PDE4D: variants seen among roughly 807,000 people sequenced by gnomAD.
PDE4D encodes phosphodiesterase 4D.
Under a neutral mutation model 87.4 loss-of-function variants are expected in PDE4D, and 24 were observed. That is an observed-to-expected ratio of 0.27 (90% confidence interval 0.20 to 0.39). The LOEUF is 0.39. PDE4D is among the 10% of genes least tolerant of loss of function. PDE4D has a pLI of 1.00. For synonymous variants in PDE4D, 384 were observed against 383.2 expected, an observed-to-expected ratio of 1.00 and a Z score of -0.02; for missense variants, 714 against 1,041.0, an observed-to-expected ratio of 0.69 and a Z score of 4.32.
chr5:58,975,900 A>AC lies in PDE4D; in HGVS notation c.1831-62_1831-61insG. 8.5e-7 allele frequency: 1 copy of AC among 1,170,562 alleles called. No homozygotes were observed. The highest frequency in any genetic ancestry group is 1.2e-6 in the Non-Finnish European group (1 of 863,000). 72.5% of individuals were successfully genotyped at this position (1,170,562 alleles called of 1,614,324 possible). ...TTCCTTTTTTTTAAAAAAAAAAACA[A>AC]AAAAAACTAGAAATTCACATTGGAT... On this transcript the variant is annotated intron_variant, in intron 13 of 14. Transcript: ENST00000340635. The surrounding 1 kb of genome is among the most constrained non-coding windows in gnomAD (Gnocchi z 4.2).
intron 1 of PDE4D, among the ~76,000 whole-genome samples, chr5:59,667,933 T>A (rs1400961545): frequency 6.6e-6 from 1 of 152,226 alleles, no homozygotes; most frequent in Non-Finnish European, 1.5e-5. Flanking sequence ...TTTCTCCAAG[T>A]TGTACCATAC....
chr5:60,009,469 C>T (rs1764804645), intron 2 of PDE4D, among the ~76,000 whole-genome samples: 1 of 151,866 alleles, frequency 6.6e-6, no homozygotes, highest in African/African-American at 2.4e-5. Flanking sequence ...AACATTCCTG[C>T]CTTCATAGAA....
At chr5:60,081,772 C>T (rs1354432955) in intron 2 of PDE4D, among the ~76,000 whole-genome samples, 2 of 151,688 alleles carry the variant, frequency 1.3e-5, no homozygotes, top group Non-Finnish European at 3.0e-5. Context: ...TATTGGTCCT[C>T]AATCTCTTCT....
intron 1 of PDE4D, among the ~76,000 whole-genome samples, chr5:59,755,701 A>G (rs1195716638): frequency 6.6e-6 from 1 of 152,156 alleles, no homozygotes; most frequent in Non-Finnish European, 1.5e-5. Context: ...ATCACACTGC[A>G]CAAAATAAAG....
At chr5:60,275,047 T>C (rs1478979784) in intron 1 of PDE4D, among the ~76,000 whole-genome samples, 1 of 152,218 alleles carries the variant, frequency 6.6e-6, no homozygotes, top group Non-Finnish European at 1.5e-5. Flanking sequence ...CAGAGATTGC[T>C]AGATCAGGGA....
intron 1 of PDE4D, among the ~76,000 whole-genome samples, chr5:59,432,243 C>T (rs567437456): frequency 1.5e-4 from 22 of 148,946 alleles, no homozygotes; most frequent in African/African-American, 5.6e-4. Flanking sequence ...ATAAAGTGGG[C>T]TCATACTATG....
chr5:59,869,373 G>A (rs1561791825), intron 1 of PDE4D, among the ~76,000 whole-genome samples: 1 of 152,168 alleles, frequency 6.6e-6, no homozygotes, highest in South Asian at 2.1e-4. Flanking sequence ...TCCAAGGCAG[G>A]AGTGAGTATG....
chr5:60,302,307 T>C (rs1237782590), intron 1 of PDE4D, among the ~76,000 whole-genome samples: 2 of 152,180 alleles, frequency 1.3e-5, no homozygotes, highest in Non-Finnish European at 2.9e-5. Flanking sequence ...CAGGGCTTTT[T>C]TTGGTTAGTA....
intron 2 of PDE4D, among the ~76,000 whole-genome samples, chr5:59,997,495 C>T (rs946683168): frequency 7.9e-5 from 12 of 152,110 alleles, no homozygotes; most frequent in Admixed American, 2.0e-4. Context: ...CTAAAACCAT[C>T]ATTTAAGTGA....
At chr5:60,261,060 A>C (rs2149703554) in intron 1 of PDE4D, among the ~76,000 whole-genome samples, 1 of 152,192 alleles carries the variant, frequency 6.6e-6, no homozygotes, top group Middle Eastern at 3.4e-3. Context: ...ACCCTATGGG[A>C]AGACATAAAA....
chr5:60,387,748 T>C (rs1251725944), intron 1 of PDE4D, among the ~76,000 whole-genome samples: 3 of 152,298 alleles, frequency 2.0e-5, no homozygotes, highest in African/African-American at 7.2e-5. Flanking sequence ...GAAGAAGCCT[T>C]CTGTTACCCG....
At chr5:60,178,000 G>A (rs1042094395) in intron 2 of PDE4D, among the ~76,000 whole-genome samples, 8 of 152,220 alleles carry the variant, frequency 5.3e-5, no homozygotes, top group South Asian at 2.1e-4. Flanking sequence ...AAATATAATA[G>A]TGAGAAGTTA....
chr5:59,199,563 A>G (rs1176159729), intron 2 of PDE4D, among the ~76,000 whole-genome samples: 1 of 152,140 alleles, frequency 6.6e-6, no homozygotes, highest in Non-Finnish European at 1.5e-5. Flanking sequence ...TAATTTTGAA[A>G]TCTTAGTATC....
chr5:60,500,124 A>G (rs1750001096), intron 1 of PDE4D, among the ~76,000 whole-genome samples: 1 of 151,784 alleles, frequency 6.6e-6, no homozygotes, highest in Admixed American at 6.6e-5. Flanking sequence ...TAGGCAACAT[A>G]GTGAGACACC....
intron 1 of PDE4D, among the ~76,000 whole-genome samples, chr5:59,723,795 G>A (rs984045207): frequency 6.6e-6 from 1 of 152,130 alleles, no homozygotes; most frequent in Non-Finnish European, 1.5e-5. Context: ...TGACATGACA[G>A]CTGGGTTTGA....
intron 1 of PDE4D, among the ~76,000 whole-genome samples, chr5:60,283,171 T>A (rs1427314791): frequency 6.6e-6 from 1 of 152,156 alleles, no homozygotes; most frequent in African/African-American, 2.4e-5. Context: ...ATTATCTCCA[T>A]CTTATACCCT....
At chr5:58,982,716 T>G (rs1424137356) in intron 11 of PDE4D, among the ~76,000 whole-genome samples, 4 of 152,182 alleles carry the variant, frequency 2.6e-5, no homozygotes, top group African/African-American at 4.8e-5. Flanking sequence ...CAGGTCAGCC[T>G]TGGTGAGTGG....
intron 1 of PDE4D, among the ~76,000 whole-genome samples, chr5:59,697,577 A>AAAC (rs1446067490): frequency 2.6e-5 from 4 of 152,224 alleles, no homozygotes; most frequent in African/African-American, 9.6e-5. Context: ...ACAAAGTTTC[A>AAAC]CTATGCTCAT....
intron 1 of PDE4D, among the ~76,000 whole-genome samples, chr5:59,316,802 C>A (rs1400675767): frequency 6.6e-6 from 1 of 152,180 alleles, no homozygotes. Flanking sequence ...ATGAGGTAAA[C>A]AGATGTCATA....
Sources: allele counts gnomAD v4.1 joint callset (sites outside exome capture counted in the v4.1 genomes callset), GRCh38; gene constraint gnomAD v4.1.1; non-coding constraint Gnocchi (gnomAD v3.1); transcripts MANE v1.5; gene names NCBI Gene and HGNC (gene_info 2026-07-23, HGNC 2026-07-21).